SMIM7: variants seen among roughly 807,000 people sequenced by gnomAD.
SMIM7 encodes the protein small integral membrane protein 7, also known as UPF0608 protein C19orf42.
A neutral mutation model predicts 13.3 loss-of-function variants in SMIM7; 12 were observed. The observed-to-expected ratio is 0.90, with a 90% CI of 0.58 to 1.46. The LOEUF (loss-of-function observed/expected upper bound fraction) is 1.46. Ranked by LOEUF, SMIM7 falls within the 40% of genes most tolerant of loss-of-function variation. The pLI, the probability that SMIM7 is intolerant of heterozygous loss-of-function variation, is 0.00. For missense variants in SMIM7, 114 were observed against 94.8 expected (o/e 1.20, Z -0.84); for synonymous variants, 36 against 35.8 (o/e 1.01, Z -0.02).
Position 16,659,828 on chromosome 19 carries a change from T to A in SMIM7, c.68+131A>T, listed in dbSNP as rs1039522025. On this transcript the variant is annotated intron_variant, in intron 2 of 4. Coordinates refer to ENST00000487416, the MANE Select transcript of SMIM7 (RefSeq NM_024104.4). The stretch of plus-strand genomic sequence containing the variant: ...AGGAAGATAAACCAGGCTGGAGGCG[T>A]GCCCAGAGGGCGGATAGGGCGGGGC... 4.9e-6 allele frequency: 6 copies of A among 1,220,488 alleles called. No homozygotes were observed. The African/African-American group carries it at 9.2e-5, about 19-fold the overall frequency. The allele number at this position is 1,220,488 out of a possible 1,614,324, so 75.6% of individuals were successfully genotyped here. A position where few individuals can be genotyped will look rare whatever the true frequency, so the allele number is the denominator to read the frequency against.
At chr19:16,652,881 A>T (rs1267038209) in intron 4 of SMIM7, 2 of 1,550,420 alleles carry the variant, frequency 1.3e-6, no homozygotes, top group African/African-American at 2.7e-5. Flanking sequence ...TTTACAGCAA[A>T]TCTCACAATT....
intron 4 of SMIM7, chr19:16,653,717 A>G: frequency 3.0e-6 from 1 of 332,594 alleles, no homozygotes; most frequent in Non-Finnish European, 5.5e-6. Context: ...AACACGATGG[A>G]ACCCCGTCTC....
In SMIM7 at chr19:16,631,908, T is replaced by C. The variant is rs141097892; in HGVS notation, c.*138-184A>G. 5.8e-3 allele frequency among the ~76,000 whole-genome samples: 878 copies of C among 151,656 alleles called. 13 individuals carry two copies. Among genetic ancestry groups the C allele is most frequent in the African/African-American group, 0.02 (811 of 41,344 alleles). On this transcript the variant is annotated intron_variant and NMD_transcript_variant, in intron 4 of 4. Transcript: ENST00000465250. Reference sequence around the variant, plus strand: ...TTTTTTTCGAGAGAGTCTCACTCTGTTGCCAGTCTGGAGTGCAGTGGCGTG... The same window carrying C: ...TTTTTTTCGAGAGAGTCTCACTCTGCTGCCAGTCTGGAGTGCAGTGGCGTG...
intron 2 of SMIM7, 117 bp downstream of exon 2, chr19:16,659,842 A>G (rs1217954256): frequency 3.6e-6 from 5 of 1,377,628 alleles, no homozygotes; most frequent in Non-Finnish European, 5.0e-6. Flanking sequence ...CAGAGGGCGG[A>G]TAGGGCGGGG....
chr19:16,649,240 T>C (rs1390568925), intron 4 of SMIM7, among the ~76,000 whole-genome samples: 3 of 152,064 alleles, frequency 2.0e-5, no homozygotes, highest in African/African-American at 7.2e-5. Context: ...GGTGGGTGGA[T>C]CACTTGAGGT....
chr19:16,653,072 A>G (rs1040814918), intron 4 of SMIM7: 29 of 1,278,508 alleles, frequency 2.3e-5, no homozygotes, highest in Admixed American at 4.9e-5. Flanking sequence ...CATTTAAACC[A>G]TATTTTCCAC....
chr19:16,637,829 G>GTCA (rs1180287456), intron 4 of SMIM7, among the ~76,000 whole-genome samples: 5 of 152,242 alleles, frequency 3.3e-5, no homozygotes, highest in Non-Finnish European at 5.9e-5. Flanking sequence ...CATCTGTTAT[G>GTCA]GACTGAATTG....
At chr19:16,657,372 GATCTGTA>G (rs148488485) in intron 3 of SMIM7, among the ~76,000 whole-genome samples, 4,724 of 152,260 alleles carry the variant, frequency 0.031, 89 homozygotes, top group South Asian at 0.068. Context: ...CTCTGATTCG[GATCTGTA>G]CAGTGCAACT....
chr19:16,649,344 G>A (rs1435420323), intron 4 of SMIM7, among the ~76,000 whole-genome samples: 1 of 152,120 alleles, frequency 6.6e-6, no homozygotes, highest in South Asian at 2.1e-4. Flanking sequence ...TTGGGAGGCC[G>A]ATGTGGGTGG....
At chr19:16,654,425 G>C (rs539828742) in intron 3 of SMIM7, among the ~76,000 whole-genome samples, 1 of 152,200 alleles carries the variant, frequency 6.6e-6, no homozygotes, top group Non-Finnish European at 1.5e-5. Flanking sequence ...TACTGGGAAA[G>C]AGATACCTTC....
intron 4 of SMIM7, chr19:16,652,553 T>C: frequency 9.0e-7 from 1 of 1,111,804 alleles, no homozygotes; most frequent in Non-Finnish European, 1.1e-6. Context: ...CCTTCTTTGT[T>C]CCTAGGCAAG....
At chr19:16,634,971 C>T (rs543177032) in intron 4 of SMIM7, 2 of 152,234 alleles carry the variant, frequency 1.3e-5, no homozygotes, top group African/African-American at 4.8e-5. Context: ...ACCTGTCCCA[C>T]TGGGCACCCA....
chr19:16,655,212 G>C (rs1042836847), intron 3 of SMIM7: 54 of 402,788 alleles, frequency 1.3e-4, no homozygotes, highest in Admixed American at 5.7e-5. Flanking sequence ...AAGTGAAAGG[G>C]AAGGTGTTTC....
chr19:16,656,332 G>A (rs1226842127), intron 3 of SMIM7, among the ~76,000 whole-genome samples: 1 of 152,094 alleles, frequency 6.6e-6, no homozygotes, highest in African/African-American at 2.4e-5. Context: ...AGGCTGCAGT[G>A]AGCTGAGATC....
downstream of SMIM7, among the ~76,000 whole-genome samples, chr19:16,644,152 TG>T (rs2086427557): frequency 6.7e-6 from 1 of 150,236 alleles, no homozygotes; most frequent in African/African-American, 2.5e-5. Flanking sequence ...TGAGATGTTT[TG>T]CTCGTCGCCT....
At chr19:16,653,080 C>T (rs756303332) in intron 4 of SMIM7, 121 of 1,213,894 alleles carry the variant, frequency 1.0e-4, no homozygotes, top group Non-Finnish European at 1.3e-4. Context: ...CCATATTTTC[C>T]ACCTCGGCAG....
chr19:16,659,944 C>A lies in SMIM7; in HGVS notation c.68+15G>T. ...TTCCCCGGATGGAGCCGCAGTCCGG[C>A]CGCGACCTACTCACAGCTTAAAGTT... is the stretch of plus-strand genomic sequence containing the variant. On this transcript the variant is annotated intron_variant, in intron 2 of 4. Transcript: ENST00000487416. 6.2e-7 allele frequency: 1 copy of A among 1,607,600 alleles called. No homozygotes were observed. Among genetic ancestry groups the A allele is most frequent in the Non-Finnish European group, 8.5e-7 (1 of 1,177,522 alleles).
At chr19:16,638,301 CTTTTTTTTTTT>C (rs375558591) in intron 4 of SMIM7, among the ~76,000 whole-genome samples, 7 of 122,780 alleles carry the variant, frequency 5.7e-5, no homozygotes, top group Non-Finnish European at 1.2e-4. Context: ...TTTCTTTTTT[CTTTTTTTTTTT>C]TTTTTTTTGA....
intron 4 of SMIM7, among the ~76,000 whole-genome samples, chr19:16,651,691 A>T (rs919435214): frequency 6.6e-6 from 1 of 152,112 alleles, no homozygotes; most frequent in Non-Finnish European, 1.5e-5. Context: ...GGACCTTTGC[A>T]AAGATGAGAA....
Sources: allele counts gnomAD v4.1 joint callset (sites outside exome capture counted in the v4.1 genomes callset), GRCh38; gene constraint gnomAD v4.1.1; transcripts MANE v1.5; gene names NCBI Gene and HGNC (gene_info 2026-07-23, HGNC 2026-07-21).